The following GALNTL6 variants were observed in gnomAD, a reference collection of about 807,000 sequenced individuals.
GALNTL6 encodes the protein polypeptide N-acetylgalactosaminyltransferase like 6.
Under a neutral mutation model 73.7 loss-of-function variants are expected in GALNTL6, and 46 were observed. The observed-to-expected ratio is 0.62, with a 90% CI of 0.49 to 0.80. GALNTL6 has a LOEUF of 0.80. Among genes scored for constraint, GALNTL6 ranks in the 30% least tolerant of loss-of-function variants. GALNTL6 has a pLI of 0.00. For synonymous variants in GALNTL6, 259 were observed against 263.7 expected (o/e 0.98, Z 0.17); for missense variants, 604 against 755.0 (o/e 0.80, Z 2.34).
chr4:171,837,693 TGTTATATATA>T lies in GALNTL6; in HGVS notation c.138+22976_138+22985del, dbSNP rs1735133796. On this transcript the variant is annotated intron_variant, in intron 2 of 12. Coordinates refer to ENST00000506823, the MANE Select transcript of GALNTL6 (RefSeq NM_001034845.3). ...TATAAATATATTATGTATATTTATATGTTATATATATTTATATATATAATATATAAAACCA... is the reference window on the plus strand; with the variant it reads ...TATAAATATATTATGTATATTTATATTTTATATATATAATATATAAAACCA... 4.8e-5 allele frequency among the ~76,000 whole-genome samples: 7 copies of T among 147,358 alleles called. No individual in the cohort carries two copies. In the South Asian group the frequency reaches 1.5e-3, roughly 31 times the overall value.
intron 5 of GALNTL6, among the ~76,000 whole-genome samples, chr4:172,654,021 T>C (rs1259795431): frequency 1.3e-5 from 2 of 152,212 alleles, no homozygotes; most frequent in African/African-American, 4.8e-5. Context: ...ACACATACTC[T>C]TTTCTCTCTT....
chr4:171,976,801 A>G (rs1413573224), intron 2 of GALNTL6, among the ~76,000 whole-genome samples: 1 of 152,232 alleles, frequency 6.6e-6, no homozygotes, highest in Non-Finnish European at 1.5e-5. Flanking sequence ...GGAAGATGTC[A>G]TTCATAACAT....
chr4:171,814,812 T>C (rs1734479581), intron 2 of GALNTL6, 94 bp downstream of exon 2: 1 of 1,302,330 alleles, frequency 7.7e-7, no homozygotes. Flanking sequence ...TCGCCTTGGG[T>C]TTTCCCCCAA....
At chr4:172,465,302 C>A (rs1182314558) in intron 5 of GALNTL6, among the ~76,000 whole-genome samples, 1 of 151,896 alleles carries the variant, frequency 6.6e-6, no homozygotes, top group African/African-American at 2.4e-5. Context: ...ACGGTGAAAC[C>A]CCATCTCTAC....
intron 2 of GALNTL6, among the ~76,000 whole-genome samples, chr4:172,051,426 A>G (rs1730859565): frequency 6.6e-6 from 1 of 152,048 alleles, no homozygotes; most frequent in Non-Finnish European, 1.5e-5. Context: ...TTGAAGGATA[A>G]ATGCAGGGAT....
chr4:171,955,191 C>T (rs1002746018), intron 2 of GALNTL6, among the ~76,000 whole-genome samples: 1 of 152,094 alleles, frequency 6.6e-6, no homozygotes, highest in African/African-American at 2.4e-5. Context: ...CTTTTATTTA[C>T]ATTGCAAGAA....
intron 5 of GALNTL6, among the ~76,000 whole-genome samples, chr4:172,394,210 A>G (rs1743766044): frequency 1.3e-5 from 2 of 152,094 alleles, no homozygotes; most frequent in South Asian, 2.1e-4. Context: ...ATTAGCTAAC[A>G]TTAAACTTTC....
chr4:172,788,640 C>G (rs1175592740), intron 5 of GALNTL6, among the ~76,000 whole-genome samples: 1 of 146,708 alleles, frequency 6.8e-6, no homozygotes, highest in African/African-American at 2.5e-5. Flanking sequence ...CCACTGCACT[C>G]CAGCCTGAGG....
intron 8 of GALNTL6, among the ~76,000 whole-genome samples, chr4:172,890,759 C>A (rs1375410322): frequency 6.6e-6 from 1 of 152,100 alleles, no homozygotes; most frequent in Admixed American, 6.5e-5. Flanking sequence ...TAGTTTTCTG[C>A]CTCAATGACC....
intron 5 of GALNTL6, among the ~76,000 whole-genome samples, chr4:172,787,789 A>T (rs765706759): frequency 2.0e-5 from 3 of 152,168 alleles, no homozygotes; most frequent in Non-Finnish European, 4.4e-5. Flanking sequence ...ACGAAGTTTC[A>T]GAAGTGGCAT....
At chr4:171,941,500 A>G (rs1032320498) in intron 2 of GALNTL6, among the ~76,000 whole-genome samples, 4 of 152,204 alleles carry the variant, frequency 2.6e-5, no homozygotes, top group African/African-American at 9.6e-5. Flanking sequence ...CATTGACAGT[A>G]TGGGACACGT....
At chr4:172,159,144 C>T (rs1734375463) in intron 2 of GALNTL6, among the ~76,000 whole-genome samples, 1 of 152,152 alleles carries the variant, frequency 6.6e-6, no homozygotes, top group Admixed American at 6.5e-5. Flanking sequence ...TCCAGGAAGA[C>T]ACAGTTTGCA....
chr4:172,883,993 C>T (rs2111195401), intron 8 of GALNTL6, among the ~76,000 whole-genome samples: 1 of 152,236 alleles, frequency 6.6e-6, no homozygotes, highest in South Asian at 2.1e-4. Flanking sequence ...GCATAATATT[C>T]CATTGTGTAT....
intron 8 of GALNTL6, among the ~76,000 whole-genome samples, chr4:172,903,086 A>T (rs1462275941): frequency 6.6e-6 from 1 of 152,078 alleles, no homozygotes; most frequent in Non-Finnish European, 1.5e-5. Flanking sequence ...CTTTTAATCT[A>T]CCCAACATTT....
chr4:172,794,541 A>C (rs542054271), intron 5 of GALNTL6, among the ~76,000 whole-genome samples: 87 of 152,324 alleles, frequency 5.7e-4, no homozygotes, highest in African/African-American at 2.0e-3. Context: ...CATTCCCTGG[A>C]GAAGAGGGCC....
chr4:171,957,884 A>C (rs1489179439), intron 2 of GALNTL6, among the ~76,000 whole-genome samples: 1 of 152,168 alleles, frequency 6.6e-6, no homozygotes, highest in Non-Finnish European at 1.5e-5. Context: ...TCTAGCGGGA[A>C]TCCTAACCTA....
At chr4:172,915,943 A>T (rs1747483216) in intron 8 of GALNTL6, among the ~76,000 whole-genome samples, 1 of 152,174 alleles carries the variant, frequency 6.6e-6, no homozygotes, top group Non-Finnish European at 1.5e-5. Flanking sequence ...GACACAACAA[A>T]AAAAGAGAAT....
chr4:172,935,857 G>A (rs1254974537), intron 9 of GALNTL6, among the ~76,000 whole-genome samples: 3 of 152,180 alleles, frequency 2.0e-5, no homozygotes, highest in Admixed American at 2.0e-4. Context: ...GAGGTACAAA[G>A]AGGAGCTAAT....
rs1553997733 is a variant in GALNTL6 at position 172,156,555 on chromosome 4, A to AG, written c.139-73101_139-73100insG. Among the ~76,000 whole-genome samples the AG allele has an allele frequency of 1.8e-4, 25 of 136,462 alleles. 3 individuals are homozygous for AG. Among genetic ancestry groups the AG allele is most frequent in the African/African-American group, 6.7e-4 (23 of 34,296 alleles). The allele number at this position is 136,462 out of a possible 152,430, so 89.5% of individuals were successfully genotyped here. On this transcript the variant is annotated intron_variant, in intron 2 of 12. Transcript: ENST00000506823. ...ATATATATATAATATATATATATATATATATATATATACATACTATATATA... is the reference window on the plus strand; with the variant it reads ...ATATATATATAATATATATATATATAGTATATATATATACATACTATATATA...
Sources: gnomAD v4.1 joint callset for allele counts (sites outside exome capture counted in the v4.1 genomes callset) on GRCh38, gnomAD v4.1.1 for gene constraint, MANE v1.5 for transcripts, NCBI Gene and HGNC (gene_info 2026-07-23, HGNC 2026-07-21) for gene names.